The following ADAMTSL1 variants were observed in gnomAD, a reference collection of about 807,000 sequenced individuals.
ADAMTSL1 encodes ADAMTS-like protein 1.
ADAMTSL1 carries 126 observed loss-of-function variants against 201.8 expected under a neutral mutation model. That is an observed-to-expected ratio of 0.62 (90% CI 0.54 to 0.72). The LOEUF is 0.72. ADAMTSL1 is among the 30% of genes least tolerant of loss of function. ADAMTSL1 has a pLI of 0.00. For synonymous variants in ADAMTSL1, 1,121 were observed against 903.4 expected (o/e 1.24, Z -4.32); for missense variants, 2,679 against 2,277.8 (o/e 1.18, Z -3.59).
Position 18,899,760 on chromosome 9 carries a change from C to T in ADAMTSL1, c.4852-6022C>T, listed in dbSNP as rs189582040. Among the ~76,000 whole-genome samples, 5 of 152,282 alleles carry T rather than the reference C, an allele frequency of 3.3e-5. No individual in the cohort carries two copies. In the East Asian group the frequency reaches 7.7e-4, roughly 24 times the overall value. On this transcript the variant is annotated intron_variant, in intron 26 of 28. Transcript: ENST00000380548. Reference sequence around the variant, plus strand: ...GTATGCAGAAAATTGATACTGGACTCCTTCCACACACCTTATACAAAAATT... The same window carrying T: ...GTATGCAGAAAATTGATACTGGACTTCTTCCACACACCTTATACAAAAATT...
chr9:18,732,466 T>C (rs1818269630), intron 15 of ADAMTSL1, among the ~76,000 whole-genome samples: 1 of 152,174 alleles, frequency 6.6e-6, no homozygotes, highest in South Asian at 2.1e-4. Flanking sequence ...GATAAAATGG[T>C]AGCAGGGGAG....
At chr9:18,058,112 G>T (rs1409826808) in intron 1 of ADAMTSL1, among the ~76,000 whole-genome samples, 2 of 152,196 alleles carry the variant, frequency 1.3e-5, no homozygotes, top group East Asian at 3.8e-4. Context: ...TGGATAGATG[G>T]AAGAATGAAT....
In ADAMTSL1 at chr9:18,742,732, A is replaced by G. The variant is rs1012079925; in HGVS notation, c.2007-10566A>G. On this transcript the variant is annotated intron_variant, in intron 15 of 28. Transcript: ENST00000380548. ...TGTGCCTGGCAGAAACTCACTCTGTATAAAGGAGGTAATTCTAGAAAAGAA... is the reference window on the plus strand; with the variant it reads ...TGTGCCTGGCAGAAACTCACTCTGTGTAAAGGAGGTAATTCTAGAAAAGAA... 1.4e-4 allele frequency among the ~76,000 whole-genome samples: 21 copies of G among 152,300 alleles called. 1 individual carries two copies. Among genetic ancestry groups the G allele is most frequent in the Admixed American group, 1.1e-3 (17 of 15,302 alleles).
chr9:18,537,630 G>A (rs1295080695), intron 3 of ADAMTSL1, among the ~76,000 whole-genome samples: 1 of 152,222 alleles, frequency 6.6e-6, no homozygotes, highest in Non-Finnish European at 1.5e-5. Context: ...AATGTTTTGG[G>A]GGTGGAGGGG....
intron 20 of ADAMTSL1, among the ~76,000 whole-genome samples, chr9:18,811,032 A>AAC (rs1823473133): frequency 1.5e-5 from 2 of 130,302 alleles, no homozygotes; most frequent in South Asian, 2.4e-4. Flanking sequence ...AAAAAAAAAA[A>AAC]AAACAAACAC....
chr9:18,734,059 A>G lies in ADAMTSL1; in HGVS notation c.2006+12394A>G, dbSNP rs543400452. Reference sequence around the variant, plus strand: ...TCCCGTAAATCAGGGTTAAAATCCAATTCATATAGTATGCTGCCTCTTTGG... The same window carrying G: ...TCCCGTAAATCAGGGTTAAAATCCAGTTCATATAGTATGCTGCCTCTTTGG... On this transcript the variant is annotated intron_variant, in intron 15 of 28. Transcript: ENST00000380548. 5.2e-4 allele frequency among the ~76,000 whole-genome samples: 79 copies of G among 152,266 alleles called. 1 individual carries two copies. The highest frequency in any genetic ancestry group is 1.8e-3 in the African/African-American group (73 of 41,566).
intron 2 of ADAMTSL1, among the ~76,000 whole-genome samples, chr9:18,339,203 A>G (rs1563897156): frequency 6.6e-6 from 1 of 152,184 alleles, no homozygotes; most frequent in Non-Finnish European, 1.5e-5. Context: ...TTTGCAAACT[A>G]TGTATCCAAC....
intron 1 of ADAMTSL1, among the ~76,000 whole-genome samples, chr9:18,093,033 G>T (rs1320274743): frequency 1.3e-5 from 2 of 152,150 alleles, no homozygotes; most frequent in African/African-American, 4.8e-5. Flanking sequence ...TGACCAATGG[G>T]ATGGGGATTA....
At chr9:18,357,576 T>C (rs1836309743) in intron 2 of ADAMTSL1, among the ~76,000 whole-genome samples, 1 of 152,120 alleles carries the variant, frequency 6.6e-6, no homozygotes, top group South Asian at 2.1e-4. Flanking sequence ...TTTTTCACTA[T>C]CTCAAGTTTG....
chr9:18,822,485 G>A (rs1824270810), intron 21 of ADAMTSL1, among the ~76,000 whole-genome samples: 1 of 152,188 alleles, frequency 6.6e-6, no homozygotes, highest in Non-Finnish European at 1.5e-5. Context: ...GGCAGGCGGT[G>A]TACACTTGTT....
At chr9:17,970,709 C>T (rs1171769686) in intron 1 of ADAMTSL1, among the ~76,000 whole-genome samples, 1 of 151,980 alleles carries the variant, frequency 6.6e-6, no homozygotes, top group Non-Finnish European at 1.5e-5. Flanking sequence ...GGTTCTGCTC[C>T]CCCTTGACCC....
intron 2 of ADAMTSL1, among the ~76,000 whole-genome samples, chr9:18,396,633 T>G (rs1254818782): frequency 1.3e-5 from 2 of 151,074 alleles, no homozygotes; most frequent in Non-Finnish European, 2.9e-5. Context: ...ATGTTAATAA[T>G]GTCCTGTGCA....
intron 1 of ADAMTSL1, among the ~76,000 whole-genome samples, chr9:17,965,073 A>G (rs1817926868): frequency 6.6e-6 from 1 of 152,064 alleles, no homozygotes; most frequent in Non-Finnish European, 1.5e-5. Flanking sequence ...TCTATTTAGT[A>G]TTTTTACAAT....
At chr9:18,844,699 A>G (rs1014868691) in intron 23 of ADAMTSL1, among the ~76,000 whole-genome samples, 1 of 152,192 alleles carries the variant, frequency 6.6e-6, no homozygotes, top group African/African-American at 2.4e-5. Flanking sequence ...ACCCAGTTCG[A>G]GCTTCCTGGC....
At chr9:18,360,041 T>C (rs1225605231) in intron 2 of ADAMTSL1, among the ~76,000 whole-genome samples, 4 of 152,032 alleles carry the variant, frequency 2.6e-5, no homozygotes, top group African/African-American at 9.7e-5. Context: ...TGGCACTTGA[T>C]TAGTGCTCAA....
At chr9:18,128,535 T>G (rs563442165) in intron 1 of ADAMTSL1, among the ~76,000 whole-genome samples, 3 of 152,032 alleles carry the variant, frequency 2.0e-5, no homozygotes, top group Non-Finnish European at 2.9e-5. Context: ...GGTCTCAAAA[T>G]CCTGGTCAAA....
chr9:18,435,004 G>A lies in ADAMTSL1; in HGVS notation c.208-69825G>A, dbSNP rs1403745324. ...CCCTAACACCTGGTGCAACATCTGG[G>A]TCACAATAGATGCTAAATGCATGCT... is the stretch of plus-strand genomic sequence containing the variant. On this transcript the variant is annotated intron_variant, in intron 2 of 29. Transcript: ENST00000680146. 5.3e-5 allele frequency among the ~76,000 whole-genome samples: 8 copies of A among 152,168 alleles called. No individual in the cohort carries two copies. The East Asian group carries it at 1.5e-3, about 29-fold the overall frequency.
chr9:18,625,261 C>T (rs991655084), intron 5 of ADAMTSL1, among the ~76,000 whole-genome samples: 6 of 143,814 alleles, frequency 4.2e-5, no homozygotes, highest in African/African-American at 7.8e-5. Flanking sequence ...TCTTTCTGAA[C>T]TTATATCCAA....
intron 1 of ADAMTSL1, among the ~76,000 whole-genome samples, chr9:18,126,111 G>T (rs1329516258): frequency 1.3e-5 from 2 of 152,138 alleles, no homozygotes; most frequent in Non-Finnish European, 2.9e-5. Context: ...TTAAAATGAA[G>T]ATTACTGTAA....
Sources: gnomAD v4.1 joint callset for allele counts (sites outside exome capture counted in the v4.1 genomes callset) on GRCh38, gnomAD v4.1.1 for gene constraint, MANE v1.5 for transcripts, NCBI Gene and HGNC (gene_info 2026-07-23, HGNC 2026-07-21) for gene names.